Variants in OSBPL1A observed in about 807,000 individuals in gnomAD.
OSBPL1A encodes oxysterol-binding protein-related protein 1.
Under a neutral mutation model 137.1 loss-of-function variants are expected in OSBPL1A, and 80 were observed. The ratio of observed to expected loss-of-function variants is 0.58; its 90% CI spans 0.49 to 0.70. OSBPL1A has a LOEUF of 0.70. Among genes scored for constraint, OSBPL1A ranks in the 30% least tolerant of loss-of-function variants. OSBPL1A has a pLI of 0.00. For synonymous variants in OSBPL1A, 365 were observed against 389.7 expected (o/e 0.94, Z 0.75); for missense variants, 970 against 1,129.4 (o/e 0.86, Z 2.02).
In OSBPL1A at chr18:24,225,218, T is replaced by A. The variant is rs376415714; in HGVS notation, c.1445-20A>T. Reference sequence around the variant, plus strand: ...CGGAATCTGTGGCAGAGCAGGTTCATAGTTAATGAATTGAACTTGGGTGTG... The same window carrying A: ...CGGAATCTGTGGCAGAGCAGGTTCAAAGTTAATGAATTGAACTTGGGTGTG... On this transcript the variant is annotated intron_variant, in intron 16 of 27. Coordinates refer to ENST00000319481, the MANE Select transcript of OSBPL1A (RefSeq NM_080597.4). 1 of 1,613,670 alleles carries A rather than the reference T, an allele frequency of 6.2e-7. No homozygotes were observed. The highest frequency in any genetic ancestry group is 1.1e-5 in the South Asian group (1 of 91,048).
At chr18:24,219,512 T>C in intron 17 of OSBPL1A, among the ~76,000 whole-genome samples, 1 of 152,194 alleles carries the variant, frequency 6.6e-6, no homozygotes, top group East Asian at 1.9e-4. Context: ...GTTTCTTAGC[T>C]CTTTGCTATT....
At chr18:24,243,009 G>A (rs187635748) in intron 15 of OSBPL1A, among the ~76,000 whole-genome samples, 193 of 152,028 alleles carry the variant, frequency 1.3e-3, no homozygotes, top group African/African-American at 3.6e-3. Context: ...TACATGAGGC[G>A]GGCAGATCAC....
intron 15 of OSBPL1A, among the ~76,000 whole-genome samples, chr18:24,256,964 CAAAAA>C (rs201880387): frequency 3.4e-4 from 10 of 29,496 alleles, no homozygotes; most frequent in Non-Finnish European, 5.4e-4. Context: ...GAAGAGGATG[CAAAAA>C]AAAAAAAAAA....
intron 15 of OSBPL1A, among the ~76,000 whole-genome samples, chr18:24,244,277 A>G (rs140735618): frequency 1.3e-5 from 2 of 152,354 alleles, no homozygotes; most frequent in East Asian, 3.9e-4. Context: ...GATTTTTTAA[A>G]TTCTCAAACA....
At chr18:24,203,266 C>T (rs373304014) in intron 17 of OSBPL1A, among the ~76,000 whole-genome samples, 2 of 152,080 alleles carry the variant, frequency 1.3e-5, no homozygotes, top group South Asian at 2.1e-4. Flanking sequence ...CATGAGCCAC[C>T]GTGCTTGGCC....
chr18:24,250,557 T>C (rs1358934028), intron 15 of OSBPL1A, among the ~76,000 whole-genome samples: 1 of 152,184 alleles, frequency 6.6e-6, no homozygotes, highest in African/African-American at 2.4e-5. Flanking sequence ...TGGCAGCATT[T>C]ATCACCTGCT....
chr18:24,351,341 C>T, intron 4 of OSBPL1A, among the ~76,000 whole-genome samples: 1 of 64,930 alleles, frequency 1.5e-5, no homozygotes, highest in East Asian at 9.4e-4. Context: ...AGAGAAGACT[C>T]TGTCTCAAAA....
intron 16 of OSBPL1A, among the ~76,000 whole-genome samples, chr18:24,229,505 G>A (rs1384663992): frequency 6.6e-6 from 1 of 152,202 alleles, no homozygotes; most frequent in African/African-American, 2.4e-5. Flanking sequence ...ATTCTTGAGA[G>A]ATTATACCTT....
intron 1 of OSBPL1A, among the ~76,000 whole-genome samples, chr18:24,385,982 C>T (rs116609406): frequency 7.9e-5 from 12 of 152,238 alleles, no homozygotes; most frequent in Non-Finnish European, 1.3e-4. Context: ...GAAAGCACTG[C>T]ACCAAGGCTG....
intron 17 of OSBPL1A, among the ~76,000 whole-genome samples, chr18:24,210,836 T>C (rs1180943787): frequency 2.0e-5 from 3 of 152,068 alleles, no homozygotes; most frequent in African/African-American, 7.2e-5. Flanking sequence ...GTATCTGGTA[T>C]AGTTTTCTTT....
At chr18:24,190,883 A>G (rs1355997312) in intron 18 of OSBPL1A, among the ~76,000 whole-genome samples, 2 of 152,234 alleles carry the variant, frequency 1.3e-5, no homozygotes, top group Non-Finnish European at 2.9e-5. Context: ...ATGTCTGGGC[A>G]TGAGGTCTGG....
chr18:24,188,731 C>T (rs903258205), intron 18 of OSBPL1A, among the ~76,000 whole-genome samples: 1 of 152,194 alleles, frequency 6.6e-6, no homozygotes, highest in African/African-American at 2.4e-5. Context: ...CCTCCATCAT[C>T]TGTAATTATT....
intron 17 of OSBPL1A, among the ~76,000 whole-genome samples, chr18:24,206,745 A>G (rs1222826533): frequency 6.6e-6 from 1 of 152,154 alleles, no homozygotes; most frequent in Non-Finnish European, 1.5e-5. Context: ...CAGCAATGGG[A>G]TTTTGAAAGC....
chr18:24,233,712 G>A lies in OSBPL1A; in HGVS notation c.1444+5508C>T, dbSNP rs142200285. 3.7e-4 allele frequency among the ~76,000 whole-genome samples: 56 copies of A among 152,034 alleles called. No individual in the cohort carries two copies. The East Asian group carries it at 9.5e-3, about 26-fold the overall frequency. ...TGCCCAGGATGGAGTGCAATGGCGC[G>A]ATCTCGGCTCACTGCAACCTCCGCC... On this transcript the variant is annotated intron_variant, in intron 16 of 27. Coordinates refer to ENST00000319481, the MANE Select transcript of OSBPL1A (RefSeq NM_080597.4).
intron 15 of OSBPL1A, among the ~76,000 whole-genome samples, chr18:24,249,994 G>A (rs1204525180): frequency 6.6e-6 from 1 of 152,158 alleles, no homozygotes; most frequent in African/African-American, 2.4e-5. Context: ...AGCAATGAAA[G>A]TGTCTCTTTC....
intron 15 of OSBPL1A, among the ~76,000 whole-genome samples, chr18:24,269,312 C>G (rs749505762): frequency 1.5e-4 from 23 of 152,140 alleles, no homozygotes; most frequent in Non-Finnish European, 2.6e-4. Flanking sequence ...AAAAGGACCC[C>G]GCTTCTATCT....
chr18:24,235,393 T>G (rs954576271), intron 16 of OSBPL1A, among the ~76,000 whole-genome samples: 2 of 141,678 alleles, frequency 1.4e-5, no homozygotes, highest in East Asian at 4.9e-4. Context: ...CAGAGGAAAG[T>G]GAAGTAACTT....
At chr18:24,270,640 G>A (rs1429441634) in intron 15 of OSBPL1A, among the ~76,000 whole-genome samples, 1 of 152,070 alleles carries the variant, frequency 6.6e-6, no homozygotes, top group Non-Finnish European at 1.5e-5. Context: ...GAGTTACCTT[G>A]CCAAAGACAT....
chr18:24,335,638 G>A (rs1424447173), intron 5 of OSBPL1A, among the ~76,000 whole-genome samples: 1 of 152,214 alleles, frequency 6.6e-6, no homozygotes, highest in Non-Finnish European at 1.5e-5. Flanking sequence ...GGCTGCAAAG[G>A]AGGAACTATG....
Sources: gnomAD v4.1 joint callset for allele counts (sites outside exome capture counted in the v4.1 genomes callset) on GRCh38, gnomAD v4.1.1 for gene constraint, MANE v1.5 for transcripts, NCBI Gene and HGNC (gene_info 2026-07-23, HGNC 2026-07-21) for gene names.